MED24: variants seen among roughly 807,000 people sequenced by gnomAD.
MED24 encodes the protein mediator of RNA polymerase II transcription subunit 24.
MED24 carries 74 observed loss-of-function variants against 118.8 expected under a neutral mutation model. The observed-to-expected ratio is 0.62, with a 90% CI of 0.52 to 0.76. The LOEUF (loss-of-function observed/expected upper bound fraction) is 0.76. Ranked by LOEUF, MED24 falls within the 30% of genes least tolerant of loss-of-function variation. The probability of loss-of-function intolerance (pLI) is 0.00; values close to 1 mark genes in which losing one functional copy is unlikely to be tolerated. For synonymous variants in MED24, 521 were observed against 523.9 expected (o/e 0.99, Z 0.08); for missense variants, 1,041 against 1,278.9 (o/e 0.81, Z 2.84).
chr17:40,044,417 G>A (rs1394896106), intron 3 of MED24, among the ~76,000 whole-genome samples: 1 of 151,944 alleles, frequency 6.6e-6, no homozygotes, highest in Non-Finnish European at 1.5e-5. Context: ...CTACTCGGGA[G>A]GCTGAGGCAG....
At chr17:40,022,085 C>T (rs1225048925) in intron 22 of MED24, 31 bp from the exon 23 acceptor site, 32 of 1,467,310 alleles carry the variant, frequency 2.2e-5, no homozygotes, top group Non-Finnish European at 2.8e-5. Context: ...TGTTATACAC[C>T]CCTAAACCCC....
rs757828252 is a variant in MED24 at position 40,026,973 on chromosome 17, G to C, written c.1592C>G (p.Thr531Ser). 4 of 1,614,144 alleles carry C rather than the reference G, an allele frequency of 2.5e-6. No homozygotes were observed. In the South Asian group the frequency reaches 4.4e-5, roughly 18 times the overall value. ...GATCTTGCCCTCCTCAGGCATGCAG[G>C]TCTGCATCCAGGTCTCGAAGAAGGG... ...EVPFFETWMQ[T>S]CMPEEGKILN... The change falls in exon 17 of 26, where the codon ACC (threonine) becomes AGC (serine). Residue 531 changes from threonine to serine, a missense_variant. Thr to Ser is a moderately conservative substitution (Grantham distance 58). Coordinates refer to ENST00000394128, the MANE Select transcript of MED24 (RefSeq NM_014815.4).
intron 15 of MED24, 51 bp from the exon 16 acceptor site, chr17:40,027,516 CGT>C (rs1982827594): frequency 1.3e-6 from 2 of 1,545,560 alleles, no homozygotes; most frequent in Non-Finnish European, 1.8e-6. Context: ...GGGGGGAGCC[CGT>C]GTCTGGGTTG....
At chr17:40,022,098 A>C (rs756643041) in intron 22 of MED24, 44 bp from the exon 23 acceptor site, 1 of 1,425,614 alleles carries the variant, frequency 7.0e-7, no homozygotes, top group South Asian at 1.3e-5. Flanking sequence ...TAAACCCCCC[A>C]GTTTCCAGCT....
In MED24 at chr17:40,051,474, C is replaced by T. The variant is rs537751568; in HGVS notation, c.213+1824G>A. On this transcript the variant is annotated intron_variant, in intron 3 of 25. Transcript: ENST00000394128. Reference sequence around the variant, plus strand: ...ACTAAAAATACAAAAATTAGCTGGGCATAGTGGCACACGCCTGTAGTCCCA... The same window carrying T: ...ACTAAAAATACAAAAATTAGCTGGGTATAGTGGCACACGCCTGTAGTCCCA... Among the ~76,000 whole-genome samples, 2 of 150,600 alleles carry T rather than the reference C, an allele frequency of 1.3e-5. 1 individual carries two copies. The highest frequency in any genetic ancestry group is 4.2e-4 in the South Asian group (2 of 4,750).
rs1373689172 is a variant in MED24, at chr17:40,035,218, G to A, written c.458C>T (p.Ala153Val). ...GCACATGGCAAGCTGCTTCTCCCCA[G>A]CGGCTGGAGTGCCGGCCTCCAGCCC... is the stretch of plus-strand genomic sequence containing the variant. The part of the protein sequence containing the change: ...REGLEAGTPA[A>V]GEKQLAMCLQ... The change falls in exon 6 of 26, where the codon GCT becomes GTT. Residue 153 changes from alanine (A) to valine (V), a missense_variant. This residue lies in a region of MED24 where 434 missense variants were observed against 514.9 expected (regional missense o/e 0.84). Coordinates refer to ENST00000394128, the MANE Select transcript of MED24 (RefSeq NM_014815.4). 6.2e-7 allele frequency: 1 copy of A among 1,613,978 alleles called. No homozygotes were observed. Among genetic ancestry groups the A allele is most frequent in the African/African-American group, 1.3e-5 (1 of 74,942 alleles).
chr17:40,019,189 C>G lies in MED24; in HGVS notation c.*340G>C. 4.0e-6 allele frequency: 1 copy of G among 247,706 alleles called. No homozygotes were observed. The highest frequency in any genetic ancestry group is 7.8e-6 in the Non-Finnish European group (1 of 128,238). The allele number at this position is 247,706 out of a possible 1,614,324, so 15.3% of individuals were successfully genotyped here. A position where few individuals can be genotyped will look rare whatever the true frequency, so the allele number is the denominator to read the frequency against. Reference sequence around the variant, plus strand: ...AAATACACACAAACACACACACACACACACACACACACACATACACACTTT... The same window carrying G: ...AAATACACACAAACACACACACACAGACACACACACACACATACACACTTT... On this transcript the variant is annotated 3_prime_UTR_variant, in exon 26 of 26. Coordinates refer to ENST00000394128, the MANE Select transcript of MED24 (RefSeq NM_014815.4).
At chr17:40,037,214 GGGAAGGAAGGAA>G (rs772575089) in intron 3 of MED24, among the ~76,000 whole-genome samples, 3 of 142,728 alleles carry the variant, frequency 2.1e-5, no homozygotes, top group Admixed American at 1.3e-4. Context: ...GAGAGAAAGA[GGGAAGGAAGGAA>G]GGAAGGAAGG....
chr17:40,030,676 T>G (rs1336230931), intron 12 of MED24, among the ~76,000 whole-genome samples: 1 of 151,736 alleles, frequency 6.6e-6, no homozygotes, highest in Non-Finnish European at 1.5e-5. Context: ...ATTTTTTTTT[T>G]GAGACAAGGT....
chr17:40,020,341 A>G lies in MED24; in HGVS notation c.2636T>C (p.Met879Thr), dbSNP rs370271650. The change falls in exon 24 of 26, where the codon ATG becomes ACG. Residue 879 changes from methionine to threonine, a missense_variant. Met to Thr is a moderately conservative substitution (Grantham distance 81, BLOSUM62 -1). Around this residue, in one of 3 missense-constraint regions of MED24, gnomAD observed 587 missense variants for 694.4 expected, o/e 0.85. Coordinates refer to ENST00000394128, the MANE Select transcript of MED24 (RefSeq NM_014815.4). ...NILSSPTDRS[M>T]SSSLSASQLH... ...CTGAGAGGCTGAGAGGGAGCTGCTC[A>G]TGGATCGGTCTGCTGTGGGACGGAG... 7 of 1,598,484 alleles carry G rather than the reference A, an allele frequency of 4.4e-6. No individual in the cohort carries two copies. The highest frequency in any genetic ancestry group is 4.3e-6 in the Non-Finnish European group (5 of 1,172,544).
At chr17:40,039,794 T>A in intron 3 of MED24, among the ~76,000 whole-genome samples, 1 of 150,356 alleles carries the variant, frequency 6.7e-6, no homozygotes, top group Admixed American at 6.6e-5. Flanking sequence ...TTTTTTTTTT[T>A]TTTTTTTGAG....
chr17:40,022,948 G>C (rs570237394), intron 20 of MED24, 122 bp from the exon 21 acceptor site: 1 of 1,348,050 alleles, frequency 7.4e-7, no homozygotes, highest in Non-Finnish European at 1.0e-6. Flanking sequence ...ATGTTGCTCC[G>C]CCCCTCAGGC....
intron 14 of MED24, 132 bp downstream of exon 14, chr17:40,028,694 C>T (rs1007922230): frequency 2.3e-6 from 3 of 1,292,894 alleles, no homozygotes; most frequent in Non-Finnish European, 2.1e-6. Context: ...GATCTCCAGC[C>T]AGGATGCTCT....
At chr17:40,022,869 G>A in intron 20 of MED24, 43 bp from the exon 21 acceptor site, 1 of 1,598,710 alleles carries the variant, frequency 6.3e-7, no homozygotes, top group Non-Finnish European at 8.5e-7. Flanking sequence ...CAGGGGCCCG[G>A]GATCTGGGGC....
Position 40,053,540 on chromosome 17 carries a change from T to C in MED24, c.59A>G (p.Asp20Gly), listed in dbSNP as rs1396693629. 6.2e-7 allele frequency: 1 copy of C among 1,614,100 alleles called. No individual in the cohort carries two copies. Among genetic ancestry groups the C allele is most frequent in the African/African-American group, 1.3e-5 (1 of 74,932 alleles). Residue 20 changes from aspartate (D) to glycine (G), a missense_variant, in exon 2 of 26, where the codon GAC (aspartate) becomes GGC (glycine). By Grantham distance (94) the Asp-to-Gly change is moderately conservative. This residue lies in a region of MED24 where 434 missense variants were observed against 514.9 expected (regional missense o/e 0.84). Coordinates refer to ENST00000394128, the MANE Select transcript of MED24 (RefSeq NM_014815.4). ...ILQAWKERWS[D>G]YQWAINMKKF... The stretch of plus-strand genomic sequence containing the variant: ...CTTCATGTTGATTGCCCATTGGTAG[T>C]CACTCCAGCGCTCCTTCCAGGCTTG...
At chr17:40,032,151 C>G (rs771874560) in intron 9 of MED24, 61 bp from the exon 10 acceptor site, 58 of 1,575,824 alleles carry the variant, frequency 3.7e-5, no homozygotes, top group Non-Finnish European at 5.0e-5. Flanking sequence ...TCATCTACCC[C>G]TGAAGGCATC....
chr17:40,021,955 T>C lies in MED24; in HGVS notation c.2623A>G (p.Thr875Ala), dbSNP rs145904839. The C allele has an allele frequency of 3.1e-5, 49 of 1,593,860 alleles. No individual in the cohort carries two copies. Among genetic ancestry groups the C allele is most frequent in the Non-Finnish European group, 3.8e-5 (45 of 1,169,042 alleles). Residue 875 changes from threonine to alanine, a missense_variant and splice_region_variant, in exon 23 of 26, where the codon ACA (threonine) becomes GCA (alanine). Thr to Ala is a moderately conservative substitution (Grantham distance 58). Around this residue, in one of 3 missense-constraint regions of MED24, gnomAD observed 587 missense variants for 694.4 expected, o/e 0.85. Transcript: ENST00000394128. ...EDDANILSSP[T>A]DRSMSSSLSA... ...GCGCGCGGCCAGCCCACACACTCAC[T>C]GGGGCTCGAAAGGATGTTGGCATCG... is the stretch of plus-strand genomic sequence containing the variant.
chr17:40,028,936 C>T lies in MED24; in HGVS notation c.1299G>A (p.Glu433=). Residue 433 remains glutamate, a synonymous_variant, in exon 14 of 26, where the codon GAG becomes GAA. Coordinates refer to ENST00000394128, the MANE Select transcript of MED24 (RefSeq NM_014815.4). ...TGTGGCCCAGGACTCCCAGCAGTCC[C>T]TCCGGTGACTTAGAGTGGTCTGCAT... ...TMDADHSKSP[E]GLLGVLGHML... is the part of the protein sequence containing the mutation. 6.2e-7 allele frequency: 1 copy of T among 1,614,214 alleles called. No individual in the cohort carries two copies. The highest frequency in any genetic ancestry group is 8.5e-7 in the Non-Finnish European group (1 of 1,180,036).
At position 40,031,238 on chromosome 17, in the gene MED24, A is replaced by C. The variant is rs1435443991; in HGVS notation, c.1075T>G (p.Cys359Gly). Residue 359 changes from cysteine (C) to glycine (G), a missense_variant, in exon 12 of 26, where the codon TGT (cysteine) becomes GGT (glycine). By Grantham distance (159) the Cys-to-Gly change is radical. This residue lies in a region of MED24 where 434 missense variants were observed against 514.9 expected (regional missense o/e 0.84). Transcript: ENST00000394128. ...DKADQRCNCD[C>G]TNFLLQECGK... ...CATTCTTGGAGCAGGAAGTTTGTAC[A>C]GTCACAGCTGTGAGGGAGAAAGATG... The C allele has an allele frequency of 3.8e-6, 6 of 1,565,364 alleles. No individual in the cohort carries two copies. The highest frequency in any genetic ancestry group is 5.2e-6 in the Non-Finnish European group (6 of 1,153,908).
Sources: allele counts gnomAD v4.1 joint callset (sites outside exome capture counted in the v4.1 genomes callset), GRCh38; gene constraint gnomAD v4.1.1; regional missense constraint gnomAD v4.1.1; transcripts MANE v1.5; gene names NCBI Gene and HGNC (gene_info 2026-07-23, HGNC 2026-07-21).